SLA: variants seen among roughly 807,000 people sequenced by gnomAD.
SLA encodes src-like-adapter.
Under a neutral mutation model 30.3 loss-of-function variants are expected in SLA, and 16 were observed. That is an observed-to-expected ratio of 0.53 (90% CI 0.36 to 0.80). The LOEUF is 0.80. Among genes scored for constraint, SLA ranks in the 30% least tolerant of loss-of-function variants. SLA has a pLI of 0.01. For synonymous variants in SLA, 143 were observed against 137.8 expected (o/e 1.04, Z -0.26); for missense variants, 310 against 345.2 (o/e 0.90, Z 0.81).
rs1229025933 is a variant in SLA, at chr8:133,060,463, C to T, written c.-40-263G>A. On this transcript the variant is annotated intron_variant, in intron 2 of 8. Transcript: ENST00000338087. ...GGTGGCAAAAGTTTCCATTCCTCCG[C>T]ACCCTTGCTGAGGATGGTAAGCAGC... 5.2e-6 allele frequency: 6 copies of T among 1,146,856 alleles called. No individual in the cohort carries two copies. The East Asian group carries it at 1.4e-4, about 27-fold the overall frequency. 71.0% of individuals were successfully genotyped at this position (1,146,856 alleles called of 1,614,324 possible).
Position 133,037,728 on chromosome 8 carries a change from C to T in SLA, c.*796G>A, listed in dbSNP as rs1837353283. On this transcript the variant is annotated 3_prime_UTR_variant, in exon 9 of 9. Transcript: ENST00000338087. ...TAAATGAATACTTGATGCATTCATA[C>T]AGGCAAGAATCCCAGCATCCCAGAG... 6.6e-6 allele frequency: 1 copy of T among 151,762 alleles called. No individual in the cohort carries two copies. Among genetic ancestry groups the T allele is most frequent in the Non-Finnish European group, 1.5e-5 (1 of 68,008 alleles). The allele number at this position is 151,762 out of a possible 1,614,324, so 9.4% of individuals were successfully genotyped here.
chr8:133,073,207 A>T (rs192023878), intron 2 of SLA: 1 of 152,344 alleles, frequency 6.6e-6, no homozygotes, highest in African/African-American at 2.4e-5. Flanking sequence ...ATTACGGCAC[A>T]ATCTTTCTAT....
intron 8 of SLA, among the ~76,000 whole-genome samples, chr8:133,039,215 C>G (rs899312970): frequency 3.3e-5 from 5 of 152,212 alleles, no homozygotes; most frequent in African/African-American, 1.2e-4. Flanking sequence ...TAACCTATTA[C>G]TCTAACTACT....
rs1162095793 is a variant in SLA, at chr8:133,067,920, AG to A, written c.-41+6932del. On this transcript the variant is annotated intron_variant, in intron 2 of 8. Transcript: ENST00000338087. ...GAAGGAAGGAAGGAAGGAAGGAAAG[AG>A]AGAGAGAGAGAAAGAAAGAAAGAGA... Among the ~76,000 whole-genome samples, 1,028 of 107,314 alleles carry A rather than the reference AG, an allele frequency of 9.6e-3. 25 individuals carry two copies. The highest frequency in any genetic ancestry group is 0.039 in the African/African-American group (969 of 24,644). The allele number at this position is 107,314 out of a possible 152,430, so 70.4% of individuals were successfully genotyped here.
Position 133,040,037 on chromosome 8 carries a change from G to C in SLA, c.578C>G (p.Thr193Ser). The C allele has an allele frequency of 6.4e-7, 1 of 1,552,238 alleles. No individual in the cohort carries two copies. The highest frequency in any genetic ancestry group is 8.7e-7 in the Non-Finnish European group (1 of 1,147,266). Residue 193 changes from threonine (T) to serine (S), a missense_variant, in exon 8 of 9, where the codon ACC becomes AGC. Coordinates refer to ENST00000338087, the MANE Select transcript of SLA (RefSeq NM_001045556.3). ...PAVRASSSPV[T>S]LRQKTVDWRR... is the part of the protein sequence containing the mutation. ...CCAGTCCACAGTCTTCTGACGCAAG[G>C]TGACAGGTGAGCTGGAGGCCCTCAC...
intron 1 of SLA, chr8:133,094,727 C>A (rs1164491550): frequency 5.7e-5 from 24 of 419,442 alleles, no homozygotes; most frequent in Non-Finnish European, 9.0e-5. Flanking sequence ...ATCTCCGATC[C>A]TCTTAAAGAA....
At chr8:133,071,485 T>C (rs17623738) in intron 2 of SLA, among the ~76,000 whole-genome samples, 39,491 of 152,082 alleles carry the variant, frequency 0.26, 5,234 homozygotes, top group South Asian at 0.31. Context: ...TAGAGGGTTA[T>C]GCTTGTCATA....
chr8:133,042,789 G>C (rs1448750150), intron 7 of SLA, among the ~76,000 whole-genome samples: 2 of 142,516 alleles, frequency 1.4e-5, no homozygotes, highest in African/African-American at 5.1e-5. Flanking sequence ...TGCCTCCTGG[G>C]TTCAAGTGAT....
chr8:133,088,266 C>T (rs1846933487), intron 1 of SLA, among the ~76,000 whole-genome samples: 1 of 152,164 alleles, frequency 6.6e-6, no homozygotes, highest in Non-Finnish European at 1.5e-5. Context: ...GCTCCTCCTC[C>T]TCCTCCTCCT....
rs896360019 is a variant in SLA at position 133,037,518 on chromosome 8, C to G, written c.*1006G>C. 1.3e-5 allele frequency: 2 copies of G among 152,206 alleles called. No homozygotes were observed. Among genetic ancestry groups the G allele is most frequent in the African/African-American group, 4.8e-5 (2 of 41,456 alleles). The allele number at this position is 152,206 out of a possible 1,614,324, so 9.4% of individuals were successfully genotyped here. On this transcript the variant is annotated 3_prime_UTR_variant, in exon 9 of 9. Transcript: ENST00000338087. ...CTGGAAAATGAGCTCCTGAGTGTCC[C>G]TCACCTGTCTCTAATTCCATCCTAA...
chr8:133,077,036 G>A (rs1844997211), intron 1 of SLA, among the ~76,000 whole-genome samples: 1 of 152,168 alleles, frequency 6.6e-6, no homozygotes, highest in African/African-American at 2.4e-5. Flanking sequence ...GGACCGAGGG[G>A]CGCAGATGTG....
chr8:133,049,706 G>A, intron 5 of SLA, 196 bp downstream of exon 5: 1 of 576,322 alleles, frequency 1.7e-6, no homozygotes, highest in East Asian at 2.9e-5. Flanking sequence ...TGAGGGAGAA[G>A]TTGAGTCCCA....
intron 1 of SLA, among the ~76,000 whole-genome samples, chr8:133,077,825 C>A (rs967084888): frequency 2.0e-5 from 3 of 151,758 alleles, no homozygotes; most frequent in Admixed American, 2.0e-4. Flanking sequence ...GAGGATGTGC[C>A]ACAGCATCTC....
At chr8:133,042,050 G>A (rs573948637) in intron 7 of SLA, among the ~76,000 whole-genome samples, 3 of 152,000 alleles carry the variant, frequency 2.0e-5, no homozygotes, top group East Asian at 3.9e-4. Context: ...GCCTCCCAAA[G>A]TGCTGGGATT....
chr8:133,098,415 C>T (rs937308477), intron 1 of SLA, among the ~76,000 whole-genome samples: 18 of 152,260 alleles, frequency 1.2e-4, no homozygotes, highest in African/African-American at 2.6e-4. Context: ...AAACACTGTC[C>T]GCCCTGGAGA....
intron 1 of SLA, among the ~76,000 whole-genome samples, chr8:133,080,306 T>G (rs897511421): frequency 6.6e-6 from 1 of 152,174 alleles, no homozygotes; most frequent in African/African-American, 2.4e-5. Flanking sequence ...GTCTTTCCAC[T>G]CACTCTATGT....
In SLA at chr8:133,047,750, G is replaced by T. The variant is rs530649043; in HGVS notation, c.352+80C>A. 3 of 828,288 alleles carry T rather than the reference G, an allele frequency of 3.6e-6. No individual in the cohort carries two copies. The Admixed American group carries it at 5.2e-5, about 14-fold the overall frequency. The allele number at this position is 828,288 out of a possible 1,614,324, so 51.3% of individuals were successfully genotyped here. ...GCATGGACGTAGGAGGAAGGAAAATGAAGCCGTGTAATGAGTCAGCCAGGA... is the reference window on the plus strand; with the variant it reads ...GCATGGACGTAGGAGGAAGGAAAATTAAGCCGTGTAATGAGTCAGCCAGGA... On this transcript the variant is annotated intron_variant, in intron 6 of 8. Coordinates refer to ENST00000338087, the MANE Select transcript of SLA (RefSeq NM_001045556.3).
rs956853909 is a variant in SLA at position 133,038,395 on chromosome 8, T to C, written c.*129A>G. 1.7e-5 allele frequency: 12 copies of C among 721,244 alleles called. No homozygotes were observed. The African/African-American group carries it at 1.8e-4, about 11-fold the overall frequency. The allele number at this position is 721,244 out of a possible 1,614,324, so 44.7% of individuals were successfully genotyped here. A position where few individuals can be genotyped will look rare whatever the true frequency, so the allele number is the denominator to read the frequency against. ...GAGAAGATGCGAATTTGAGTCTCCA[T>C]GTGGCTTCTCTTGGCTTCTAAAATA... On this transcript the variant is annotated 3_prime_UTR_variant, in exon 9 of 9. Coordinates refer to ENST00000338087, the MANE Select transcript of SLA (RefSeq NM_001045556.3).
chr8:133,048,595 T>C (rs1341752923), intron 5 of SLA: 1 of 156,622 alleles, frequency 6.4e-6, no homozygotes, highest in African/African-American at 2.4e-5. Flanking sequence ...GTCATAATTA[T>C]GTCACTCCTC....
Sources: gnomAD v4.1 joint callset for allele counts (sites outside exome capture counted in the v4.1 genomes callset) on GRCh38, gnomAD v4.1.1 for gene constraint, MANE v1.5 for transcripts, NCBI Gene and HGNC (gene_info 2026-07-23, HGNC 2026-07-21) for gene names.